Variants in SRGAP3 observed in about 807,000 individuals in gnomAD.
SRGAP3 encodes SLIT-ROBO Rho GTPase-activating protein 3.
SRGAP3 carries 39 observed loss-of-function variants against 121.1 expected under a neutral mutation model. The ratio of observed to expected loss-of-function variants is 0.32; its 90% CI spans 0.25 to 0.42. SRGAP3 has a LOEUF of 0.42. Ranked by LOEUF, SRGAP3 falls within the 10% of genes least tolerant of loss-of-function variation. The pLI is 1.00. For synonymous variants in SRGAP3, 601 were observed against 570.0 expected, an observed-to-expected ratio of 1.05 and a Z score of -0.77; for missense variants, 1,213 against 1,470.6, an observed-to-expected ratio of 0.82 and a Z score of 2.86.
chr3:9,294,929 T>C (rs1429579224), intron 3 of SRGAP3, among the ~76,000 whole-genome samples: 1 of 152,152 alleles, frequency 6.6e-6, no homozygotes, highest in Non-Finnish European at 1.5e-5. Flanking sequence ...CTGCCCTTCG[T>C]TGATGAATGG....
intron 2 of SRGAP3, 137 bp from the exon 3 acceptor site, chr3:9,104,979 T>G: frequency 9.3e-7 from 1 of 1,075,290 alleles, no homozygotes; most frequent in African/African-American, 1.6e-5. Context: ...CCTTATACAG[T>G]TGGGGAAACA....
chr3:9,052,879 C>G, intron 9 of SRGAP3, 148 bp downstream of exon 9: 1 of 948,142 alleles, frequency 1.1e-6, no homozygotes, highest in Non-Finnish European at 1.6e-6. Flanking sequence ...CCAAGCCAGG[C>G]AACTTAATTT....
At chr3:9,005,083 C>A (rs1461265857) in intron 18 of SRGAP3, among the ~76,000 whole-genome samples, 2 of 151,994 alleles carry the variant, frequency 1.3e-5, no homozygotes, top group East Asian at 3.9e-4. Flanking sequence ...AGAGCTGTTA[C>A]AACTCAATAA....
chr3:9,221,491 G>T (rs373525753), intron 1 of SRGAP3, among the ~76,000 whole-genome samples: 1 of 151,940 alleles, frequency 6.6e-6, no homozygotes, highest in Non-Finnish European at 1.5e-5. Context: ...GAGCTATGAG[G>T]GCACCACCAT....
intron 1 of SRGAP3, among the ~76,000 whole-genome samples, chr3:9,342,973 C>T (rs982092650): frequency 1.1e-4 from 16 of 152,264 alleles, no homozygotes; most frequent in Admixed American, 9.8e-4. Context: ...CTAGCCCATT[C>T]TGGGCTGTCC....
chr3:9,157,268 G>A (rs1340157599), intron 1 of SRGAP3, among the ~76,000 whole-genome samples: 2 of 152,064 alleles, frequency 1.3e-5, no homozygotes, highest in African/African-American at 4.8e-5. Context: ...AAAGAGTAAA[G>A]GGGGATGTGC....
rs189649912 is a variant in SRGAP3, at chr3:9,017,955, C to A, written c.1679-2224G>T. On this transcript the variant is annotated intron_variant, in intron 14 of 21. Transcript: ENST00000383836. Reference sequence around the variant, plus strand: ...TACTACCAAACCCTAGAACTTATTTCTTCTATCTAATTCTATGTCTGTACC... The same window carrying A: ...TACTACCAAACCCTAGAACTTATTTATTCTATCTAATTCTATGTCTGTACC... Among the ~76,000 whole-genome samples, 244 of 152,284 alleles carry A rather than the reference C, an allele frequency of 1.6e-3. 1 individual carries two copies. The highest frequency in any genetic ancestry group is 5.8e-3 in the African/African-American group (241 of 41,568).
intron 3 of SRGAP3, among the ~76,000 whole-genome samples, chr3:9,322,987 AC>A (rs1169314270): frequency 6.6e-6 from 1 of 151,936 alleles, no homozygotes; most frequent in Non-Finnish European, 1.5e-5. Context: ...TGACTCAGCA[AC>A]AAAAAAGACC....
chr3:9,000,385 A>G (rs1942682325), intron 18 of SRGAP3, among the ~76,000 whole-genome samples: 1 of 152,218 alleles, frequency 6.6e-6, no homozygotes, highest in African/African-American at 2.4e-5. Flanking sequence ...CTGCCCCTCC[A>G]CAAAGCACTC....
intron 3 of SRGAP3, among the ~76,000 whole-genome samples, chr3:9,086,737 T>C (rs1239348744): frequency 6.8e-6 from 1 of 146,736 alleles, no homozygotes; most frequent in African/African-American, 2.5e-5. Context: ...ATATGTATTT[T>C]ATATGTATAT....
chr3:9,162,230 C>T (rs1950623816), intron 1 of SRGAP3, among the ~76,000 whole-genome samples: 1 of 152,004 alleles, frequency 6.6e-6, no homozygotes, highest in African/African-American at 2.4e-5. Context: ...GACAGTTGCA[C>T]AAGAATTTGA....
intron 1 of SRGAP3, among the ~76,000 whole-genome samples, chr3:9,150,884 G>A (rs1419987395): frequency 2.0e-5 from 3 of 152,218 alleles, no homozygotes; most frequent in Non-Finnish European, 4.4e-5. Context: ...ATGGAGGACT[G>A]AATGATGGCT....
At chr3:9,199,028 C>T (rs904040966) in intron 1 of SRGAP3, among the ~76,000 whole-genome samples, 2 of 152,150 alleles carry the variant, frequency 1.3e-5, no homozygotes, top group Non-Finnish European at 2.9e-5. Context: ...CTGAATGTGG[C>T]GCATTTTCCT....
intron 2 of SRGAP3, among the ~76,000 whole-genome samples, chr3:9,120,699 T>G (rs1282072709): frequency 6.6e-6 from 1 of 152,224 alleles, no homozygotes. Context: ...TGGGTTGTCA[T>G]CAGGTTTATA....
intron 2 of SRGAP3, among the ~76,000 whole-genome samples, chr3:9,107,958 A>G (rs1394458619): frequency 6.6e-6 from 1 of 152,170 alleles, no homozygotes. Flanking sequence ...GAGTTTTCCA[A>G]ATGGTCAGAA....
chr3:9,342,984 G>C (rs938006787), intron 1 of SRGAP3, among the ~76,000 whole-genome samples: 1 of 152,180 alleles, frequency 6.6e-6, no homozygotes, highest in Non-Finnish European at 1.5e-5. Context: ...TGGGCTGTCC[G>C]GGCCCACCAT....
intron 4 of SRGAP3, among the ~76,000 whole-genome samples, chr3:9,075,028 A>G (rs1355096605): frequency 1.3e-5 from 2 of 152,356 alleles, no homozygotes; most frequent in East Asian, 3.9e-4. Context: ...TTACTGACAC[A>G]CATGCATTTC....
intron 3 of SRGAP3, chr3:9,292,704 T>C (rs1303676763): frequency 2.6e-5 from 4 of 152,188 alleles, no homozygotes; most frequent in African/African-American, 9.7e-5. Flanking sequence ...CCTGATGTTT[T>C]CTTTTAATTA....
At chr3:9,032,029 T>A (rs1445814801) in intron 12 of SRGAP3, among the ~76,000 whole-genome samples, 1 of 152,222 alleles carries the variant, frequency 6.6e-6, no homozygotes, top group Non-Finnish European at 1.5e-5. Context: ...CTAGCTAAAC[T>A]ACTTCAATTT....
Sources: allele counts gnomAD v4.1 joint callset (sites outside exome capture counted in the v4.1 genomes callset), GRCh38; gene constraint gnomAD v4.1.1; transcripts MANE v1.5; gene names NCBI Gene and HGNC (gene_info 2026-07-23, HGNC 2026-07-21).